Variants in ERG observed in about 807,000 individuals in gnomAD.
ERG encodes the protein ETS transcription factor ERG.
A neutral mutation model predicts 55.3 loss-of-function variants in ERG; 9 were observed. The observed-to-expected ratio is 0.16, with a 90% CI of 0.10 to 0.28. ERG has a LOEUF of 0.28. ERG is among the 10% of genes least tolerant of loss of function. The pLI is 1.00. For missense variants in ERG, 434 were observed against 631.6 expected, an observed-to-expected ratio of 0.69 and a Z score of 3.35; for synonymous variants, 223 against 237.3, an observed-to-expected ratio of 0.94 and a Z score of 0.55.
At chr21:38,474,250 C>G (rs2059166886) in intron 1 of ERG, 1 of 151,072 alleles carries the variant, frequency 6.6e-6, no homozygotes, top group African/African-American at 2.4e-5. Flanking sequence ...CCCTGGACTT[C>G]TCGACAGGAA....
chr21:38,627,127 T>C (rs1427105873), intron 1 of ERG, among the ~76,000 whole-genome samples: 1 of 151,652 alleles, frequency 6.6e-6, no homozygotes, highest in Non-Finnish European at 1.5e-5. Flanking sequence ...AAAAAGAGTA[T>C]TATTAAAAAG....
At chr21:38,444,639 G>A (rs759789898) in intron 2 of ERG, among the ~76,000 whole-genome samples, 4 of 151,414 alleles carry the variant, frequency 2.6e-5, no homozygotes, top group Non-Finnish European at 4.4e-5. Context: ...TACATTTTAC[G>A]TGACAGTTGT....
chr21:38,491,953 A>T (rs1271223156), intron 1 of ERG, among the ~76,000 whole-genome samples: 1 of 149,282 alleles, frequency 6.7e-6, no homozygotes, highest in Admixed American at 6.8e-5. Context: ...CACCTAGAGT[A>T]TAAGAATTGC....
intron 1 of ERG, among the ~76,000 whole-genome samples, chr21:38,579,955 G>A (rs1324955695): frequency 2.0e-5 from 3 of 152,014 alleles, no homozygotes; most frequent in Non-Finnish European, 4.4e-5. Context: ...CAAGTAGCTG[G>A]GACTACAGCC....
chr21:38,375,514 C>G (rs1203373881), downstream of ERG, among the ~76,000 whole-genome samples: 1 of 152,100 alleles, frequency 6.6e-6, no homozygotes, highest in Non-Finnish European at 1.5e-5. Context: ...ATTCTTGCTC[C>G]CCACTGATTT....
At position 38,592,899 on chromosome 21, in the gene ERG, C is replaced by A. The variant is rs545887333; in HGVS notation, c.-149-7954G>T. Among the ~76,000 whole-genome samples the A allele has an allele frequency of 2.0e-4, 31 of 152,260 alleles. No homozygotes were observed. The South Asian group carries it at 6.2e-3, about 31-fold the overall frequency. ...ATTTCATGTTGCTTTGGAGGGTCAA[C>A]CTTTCTTTCATTCATGACATTCAAT... On this transcript the variant is annotated intron_variant, in intron 1 of 10. Transcript: ENST00000398910.
chr21:38,646,016 C>T (rs1467255962), intron 1 of ERG, among the ~76,000 whole-genome samples: 4 of 152,146 alleles, frequency 2.6e-5, no homozygotes, highest in South Asian at 2.1e-4. Context: ...TGGTGGCTCA[C>T]GCCTGTAATC....
chr21:38,381,414 TCTTCAAG>T lies in ERG; in HGVS notation c.*1982_*1988del. The stretch of plus-strand genomic sequence containing the variant: ...CTCTAGATTATGGAAATAAACATTG[TCTTCAAG>T]GGATAGCCAGCAACATCAGGCTCAG... On this transcript the variant is annotated 3_prime_UTR_variant, in exon 10 of 10. Transcript: ENST00000288319. 1.9e-6 allele frequency: 2 copies of T among 1,063,150 alleles called. No individual in the cohort carries two copies. Among genetic ancestry groups the T allele is most frequent in the Non-Finnish European group, 2.3e-6 (2 of 877,956 alleles). The allele number at this position is 1,063,150 out of a possible 1,614,324, so 65.9% of individuals were successfully genotyped here. A position where few individuals can be genotyped will look rare whatever the true frequency, so the allele number is the denominator to read the frequency against.
At chr21:38,459,166 G>A (rs2059017738) in intron 1 of ERG, among the ~76,000 whole-genome samples, 1 of 152,168 alleles carries the variant, frequency 6.6e-6, no homozygotes, top group Non-Finnish European at 1.5e-5. Flanking sequence ...CCACTCCAAT[G>A]GCCTCAGCGC....
intron 1 of ERG, among the ~76,000 whole-genome samples, chr21:38,496,869 A>G (rs921056016): frequency 6.6e-6 from 1 of 152,232 alleles, no homozygotes; most frequent in Non-Finnish European, 1.5e-5. Context: ...AAAAAACCAC[A>G]TAAGATCGTA....
At chr21:38,450,780 A>T in intron 1 of ERG, 1 of 402,632 alleles carries the variant, frequency 2.5e-6, no homozygotes. Flanking sequence ...CCTAGGTATC[A>T]GGCAGCATTT....
intron 1 of ERG, among the ~76,000 whole-genome samples, chr21:38,644,726 A>G (rs2060445996): frequency 6.6e-6 from 1 of 152,222 alleles, no homozygotes; most frequent in Non-Finnish European, 1.5e-5. Context: ...TTGCCATACA[A>G]AAATCATATT....
intron 1 of ERG, among the ~76,000 whole-genome samples, chr21:38,598,303 C>T (rs1220123412): frequency 6.6e-6 from 1 of 152,196 alleles, no homozygotes; most frequent in Non-Finnish European, 1.5e-5. Flanking sequence ...AGTCAGCAGC[C>T]GGACTATGAG....
the ERG span, among the ~76,000 whole-genome samples, chr21:38,370,681 A>T: frequency 6.6e-6 from 1 of 150,714 alleles, no homozygotes; most frequent in Non-Finnish European, 1.5e-5. Context: ...TGAAAAATCC[A>T]CTCTTTCTGA....
rs777692985 is a variant in ERG at position 38,391,647 on chromosome 21, C to A, written c.871+12G>T. On this transcript the variant is annotated intron_variant, in intron 8 of 9. Coordinates refer to ENST00000288319, the MANE Select transcript of ERG (RefSeq NM_182918.4). ...TTCTCTTATGGTTATCCAGACGGCC[C>A]CTGAAACATACCTAACTGAGGACGC... The A allele has an allele frequency of 3.1e-6, 5 of 1,608,802 alleles. No individual in the cohort carries two copies. The African/African-American group carries it at 6.7e-5, about 22-fold the overall frequency.
intron 1 of ERG, among the ~76,000 whole-genome samples, chr21:38,488,478 C>T (rs1420084896): frequency 6.6e-6 from 1 of 152,120 alleles, no homozygotes; most frequent in Non-Finnish European, 1.5e-5. Context: ...TGCAAGGACA[C>T]ATCCTGTAGA....
chr21:38,455,891 T>G (rs1329306014), intron 1 of ERG, among the ~76,000 whole-genome samples: 1 of 142,410 alleles, frequency 7.0e-6, no homozygotes, highest in African/African-American at 2.6e-5. Flanking sequence ...CACAGACAGG[T>G]GTGTCACACC....
At position 38,380,136 on chromosome 21, in the gene ERG, A is replaced by G; in HGVS notation, c.*3267T>C. ...GCTAAATAAACTAGCTTTTTAAAAA[A>G]TATTTTCTTCTCTTTCTCCAGGCAA... On this transcript the variant is annotated 3_prime_UTR_variant, in exon 10 of 10. Coordinates refer to ENST00000288319, the MANE Select transcript of ERG (RefSeq NM_182918.4). 1 of 1,035,530 alleles carries G rather than the reference A, an allele frequency of 9.7e-7. No homozygotes were observed. The highest frequency in any genetic ancestry group is 4.6e-5 in the South Asian group (1 of 21,718). 64.1% of individuals were successfully genotyped at this position (1,035,530 alleles called of 1,614,324 possible).
At chr21:38,449,258 G>A (rs1400915499) in intron 1 of ERG, among the ~76,000 whole-genome samples, 3 of 152,174 alleles carry the variant, frequency 2.0e-5, no homozygotes, top group Admixed American at 1.3e-4. Flanking sequence ...TGTGTGGGGT[G>A]TTTTTTTCTG....
Sources: gnomAD v4.1 joint callset for allele counts (sites outside exome capture counted in the v4.1 genomes callset) on GRCh38, gnomAD v4.1.1 for gene constraint, MANE v1.5 for transcripts, NCBI Gene and HGNC (gene_info 2026-07-23, HGNC 2026-07-21) for gene names.